ARFGEF1: variants seen among roughly 807,000 people sequenced by gnomAD.
ARFGEF1 encodes the protein brefeldin A-inhibited guanine nucleotide-exchange protein 1.
Under a neutral mutation model 231.0 loss-of-function variants are expected in ARFGEF1, and 42 were observed. The observed-to-expected ratio is 0.18, with a 90% CI of 0.14 to 0.24. The LOEUF (loss-of-function observed/expected upper bound fraction) is 0.24, where lower values mean the gene tolerates loss of function less well. ARFGEF1 is among the 10% of genes least tolerant of loss of function. The probability of loss-of-function intolerance (pLI) is 1.00; values close to 1 mark genes in which losing one functional copy is unlikely to be tolerated. For synonymous variants in ARFGEF1, 710 were observed against 732.3 expected (o/e 0.97, Z 0.49); for missense variants, 1,345 against 2,192.0 (o/e 0.61, Z 7.72).
chr8:67,244,005 C>T (rs1486559481), intron 19 of ARFGEF1, among the ~76,000 whole-genome samples: 3 of 151,534 alleles, frequency 2.0e-5, no homozygotes, highest in African/African-American at 4.8e-5. Flanking sequence ...TTTGGGAGGC[C>T]GAGGTGGGTG....
chr8:67,177,851 T>C (rs1563763443), intron 5 of ARFGEF1: 2 of 750,244 alleles, frequency 2.7e-6, no homozygotes, highest in Admixed American at 1.9e-5. Flanking sequence ...GTAAGTCTTA[T>C]CAGTAAAGTG....
intron 1 of ARFGEF1, among the ~76,000 whole-genome samples, chr8:67,311,141 C>T (rs1159154744): frequency 6.7e-6 from 1 of 149,172 alleles, no homozygotes; most frequent in African/African-American, 2.5e-5. Context: ...CGGCCAGCTG[C>T]CCCGTCTGGG....
chr8:67,260,957 T>C (rs1275602482), intron 14 of ARFGEF1, among the ~76,000 whole-genome samples: 1 of 152,234 alleles, frequency 6.6e-6, no homozygotes, highest in East Asian at 1.9e-4. Flanking sequence ...CAACATTACC[T>C]TAAGGCAAAG....
intron 1 of ARFGEF1, among the ~76,000 whole-genome samples, chr8:67,308,101 A>C (rs1047449992): frequency 2.0e-5 from 3 of 152,190 alleles, no homozygotes; most frequent in African/African-American, 7.2e-5. Context: ...CAGACATGTA[A>C]GTAAAGATGG....
intron 1 of ARFGEF1, among the ~76,000 whole-genome samples, chr8:67,340,136 A>G (rs1297799003): frequency 6.6e-6 from 1 of 152,218 alleles, no homozygotes; most frequent in Non-Finnish European, 1.5e-5. Flanking sequence ...GAATGGCAAT[A>G]CTCAGAAATC....
chr8:67,269,718 C>T (rs1804996630), intron 10 of ARFGEF1, among the ~76,000 whole-genome samples: 1 of 151,990 alleles, frequency 6.6e-6, no homozygotes, highest in South Asian at 2.1e-4. Context: ...TCTCATTTTA[C>T]CCTCATTATC....
intron 18 of ARFGEF1, among the ~76,000 whole-genome samples, chr8:67,252,466 T>C (rs1239705842): frequency 6.6e-6 from 1 of 151,934 alleles, no homozygotes; most frequent in East Asian, 1.9e-4. Context: ...CCACCATATA[T>C]AAAATAGGAC....
At chr8:67,177,625 A>G (rs546457891) in intron 5 of ARFGEF1, 1 of 1,134,590 alleles carries the variant, frequency 8.8e-7, no homozygotes, top group Admixed American at 1.8e-5. Flanking sequence ...AATTTAATTT[A>G]TATAGTAAGC....
At chr8:67,342,391 C>T (rs914220994) in intron 1 of ARFGEF1, among the ~76,000 whole-genome samples, 3 of 152,182 alleles carry the variant, frequency 2.0e-5, no homozygotes, top group Admixed American at 1.3e-4. Context: ...AGCTTGAGAG[C>T]AGCTGCCACT....
At chr8:67,296,941 C>T (rs764816941) in intron 4 of ARFGEF1, among the ~76,000 whole-genome samples, 4 of 152,142 alleles carry the variant, frequency 2.6e-5, no homozygotes, top group Non-Finnish European at 5.9e-5. Flanking sequence ...CATGAGCCAC[C>T]ACACCCAGCC....
At position 67,198,056 on chromosome 8, in the gene ARFGEF1, T is replaced by C; in HGVS notation, c.*878A>G. ...ATTCATTTTGCAGTGATTCAAGTTT[T>C]GGTCCATAAAGGATCATTCTATTTT... is the stretch of plus-strand genomic sequence containing the variant. On this transcript the variant is annotated 3_prime_UTR_variant, in exon 39 of 39. Coordinates refer to ENST00000262215, the MANE Select transcript of ARFGEF1 (RefSeq NM_006421.5). 1.0e-6 allele frequency: 1 copy of C among 985,924 alleles called. No homozygotes were observed. Among genetic ancestry groups the C allele is most frequent in the South Asian group, 4.7e-5 (1 of 21,292 alleles). 61.1% of individuals were successfully genotyped at this position (985,924 alleles called of 1,614,324 possible).
chr8:67,197,421 C>A (rs1292505008), downstream of ARFGEF1, among the ~76,000 whole-genome samples: 3 of 152,076 alleles, frequency 2.0e-5, no homozygotes, highest in African/African-American at 7.2e-5. Context: ...TGCACTCCAG[C>A]CTGGACAACA....
chr8:67,257,849 C>G, intron 16 of ARFGEF1, 33 bp from the exon 17 acceptor site: 1 of 1,537,406 alleles, frequency 6.5e-7, no homozygotes, highest in South Asian at 1.2e-5. Flanking sequence ...TTATAAACTT[C>G]TACTGTTTTA....
At chr8:67,292,239 T>A in intron 5 of ARFGEF1, 116 bp from the exon 6 acceptor site, 1 of 842,428 alleles carries the variant, frequency 1.2e-6, no homozygotes, top group Non-Finnish European at 1.8e-6. Flanking sequence ...GCTTGGAAAT[T>A]AAAGTTTATC....
At chr8:67,235,533 A>C (rs1050749320) in intron 22 of ARFGEF1, among the ~76,000 whole-genome samples, 1 of 152,176 alleles carries the variant, frequency 6.6e-6, no homozygotes, top group South Asian at 2.1e-4. Flanking sequence ...TATCTCTTGA[A>C]AGACCAGCAT....
chr8:67,271,663 A>G (rs1182855765), intron 10 of ARFGEF1, 39 bp downstream of exon 10: 2 of 1,369,124 alleles, frequency 1.5e-6, no homozygotes, highest in Admixed American at 3.9e-5. Flanking sequence ...AACAAATGAA[A>G]TATCCAATAG....
intron 33 of ARFGEF1, among the ~76,000 whole-genome samples, chr8:67,214,668 G>C (rs1248917725): frequency 6.6e-6 from 1 of 152,182 alleles, no homozygotes; most frequent in African/African-American, 2.4e-5. Flanking sequence ...AACATAACAG[G>C]ACTATCCAGA....
chr8:67,216,924 A>T (rs1248217525), intron 32 of ARFGEF1, among the ~76,000 whole-genome samples: 2 of 152,040 alleles, frequency 1.3e-5, no homozygotes, highest in Admixed American at 1.3e-4. Flanking sequence ...ACACTTTCTG[A>T]TAAGTTTTAA....
At chr8:67,226,002 G>C (rs774161391) in intron 28 of ARFGEF1, 21 bp downstream of exon 28, 1 of 1,555,788 alleles carries the variant, frequency 6.4e-7, no homozygotes, top group South Asian at 1.2e-5. Flanking sequence ...GCAAAATTTT[G>C]TTTACTAAAT....
Sources: gnomAD v4.1 joint callset for allele counts (sites outside exome capture counted in the v4.1 genomes callset) on GRCh38, gnomAD v4.1.1 for gene constraint, MANE v1.5 for transcripts, NCBI Gene and HGNC (gene_info 2026-07-23, HGNC 2026-07-21) for gene names.